UPB1: variants seen among roughly 807,000 people sequenced by gnomAD.
UPB1 encodes the protein beta-ureidopropionase.
A neutral mutation model predicts 49.1 loss-of-function variants in UPB1; 40 were observed. The ratio of observed to expected loss-of-function variants is 0.81; its 90% CI spans 0.63 to 1.06. The LOEUF is 1.06. UPB1 is among the 50% of genes least tolerant of loss of function. The probability of loss-of-function intolerance (pLI) is 0.00; values close to 1 mark genes in which losing one functional copy is unlikely to be tolerated. For missense variants in UPB1, 499 were observed against 505.9 expected (o/e 0.99, Z 0.13); for synonymous variants, 207 against 198.2 (o/e 1.04, Z -0.38).
At chr22:24,518,566 A>G (rs183645147) in intron 6 of UPB1, among the ~76,000 whole-genome samples, 51 of 152,350 alleles carry the variant, frequency 3.3e-4, no homozygotes, top group African/African-American at 8.2e-4. Flanking sequence ...ATTGGATCAC[A>G]GCATCCAGAA....
intron 4 of UPB1, among the ~76,000 whole-genome samples, 200 bp downstream of exon 4, chr22:24,511,043 A>G (rs2044190966): frequency 6.6e-6 from 1 of 152,068 alleles, no homozygotes; most frequent in Admixed American, 6.6e-5. Flanking sequence ...AGGCTCCAGA[A>G]GGGCCATTAG....
rs779769195 is a variant in UPB1 at position 24,515,218 on chromosome 22, G to A, written c.639G>A (p.Glu213=). 2 of 1,614,180 alleles carry A rather than the reference G, an allele frequency of 1.2e-6. No homozygotes were observed. Among genetic ancestry groups the A allele is most frequent in the South Asian group, 1.1e-5 (1 of 91,080 alleles). ...CTTTTCAGTCAACTTACTACATGGA[G>A]GGAAACCTGGGCCACCCCGTGTTCC... is the stretch of plus-strand genomic sequence containing the variant. The part of the protein sequence containing the change: ...GDFNESTYYM[E]GNLGHPVFQT... Residue 213 remains glutamate, a synonymous_variant, in exon 6 of 10, where the codon GAG becomes GAA. Coordinates refer to ENST00000326010, the MANE Select transcript of UPB1 (RefSeq NM_016327.3).
In UPB1 at chr22:24,513,414, A is replaced by C; in HGVS notation, c.550A>C (p.Ile184Leu). Residue 184 changes from isoleucine (I) to leucine (L), a missense_variant, in exon 5 of 10, where the codon ATC (isoleucine) becomes CTC (leucine). Transcript: ENST00000326010. ...GDVLWNTAVVISNSGAVLGKT... is the reference protein window; with the variant it reads ...GDVLWNTAVVLSNSGAVLGKT... ...TGTTTTGTGGAATACAGCCGTGGTG[A>C]TCTCCAATTCCGGAGCAGTCCTGGG... is the stretch of plus-strand genomic sequence containing the variant. 1 of 1,614,192 alleles carries C rather than the reference A, an allele frequency of 6.2e-7. No individual in the cohort carries two copies. Among genetic ancestry groups the C allele is most frequent in the Non-Finnish European group, 8.5e-7 (1 of 1,180,034 alleles).
chr22:24,504,949 C>T (rs1488430774), intron 3 of UPB1, among the ~76,000 whole-genome samples: 1 of 147,490 alleles, frequency 6.8e-6, no homozygotes, highest in African/African-American at 2.5e-5. Context: ...CTGTGTTGCC[C>T]AGGCAGGTCT....
Position 24,525,798 on chromosome 22 carries a change from GCTTCAGTGCCTGC to G in UPB1, c.*8_*20del. The stretch of plus-strand genomic sequence containing the variant: ...CCCCACCATCGTGAAAGAGTAGCCG[GCTTCAGTGCCTGC>G]CTTGGGGTGAGGAAGACACCTCTGC... On this transcript the variant is annotated 3_prime_UTR_variant, in exon 10 of 10. Transcript: ENST00000326010. 1 of 1,614,192 alleles carries G rather than the reference GCTTCAGTGCCTGC, an allele frequency of 6.2e-7. No homozygotes were observed. The highest frequency in any genetic ancestry group is 8.5e-7 in the Non-Finnish European group (1 of 1,180,042).
intron 3 of UPB1, 189 bp downstream of exon 3, chr22:24,502,402 C>G: frequency 1.3e-6 from 1 of 792,112 alleles, no homozygotes; most frequent in Non-Finnish European, 2.3e-6. Context: ...TTGTCTGATT[C>G]CTTCAGTTTT....
chr22:24,524,052 C>T (rs901980739), intron 9 of UPB1, among the ~76,000 whole-genome samples: 7 of 152,232 alleles, frequency 4.6e-5, no homozygotes, highest in Admixed American at 1.3e-4. Context: ...TTCATTTGTC[C>T]AGAGAATAGA....
chr22:24,521,885 CCT>C (rs1206273491), intron 7 of UPB1, 99 bp from the exon 8 acceptor site: 165 of 1,258,028 alleles, frequency 1.3e-4, no homozygotes, highest in Non-Finnish European at 6.4e-5. Context: ...GGCTGACTCG[CCT>C]CTCGGCCTGA....
chr22:24,506,200 T>C (rs1311630084), intron 3 of UPB1, among the ~76,000 whole-genome samples: 1 of 151,228 alleles, frequency 6.6e-6, no homozygotes, highest in African/African-American at 2.4e-5. Flanking sequence ...TTTGTATTTT[T>C]AGTAGAGACC....
At chr22:24,500,699 C>G (rs770209159) in intron 2 of UPB1, among the ~76,000 whole-genome samples, 11 of 152,190 alleles carry the variant, frequency 7.2e-5, no homozygotes, top group Non-Finnish European at 1.6e-4. Flanking sequence ...CTCGCTATAC[C>G]CAGAAGTCTG....
Position 24,510,857 on chromosome 22 carries a change from G to A in UPB1, c.459+14G>A, listed in dbSNP as rs753458658. On this transcript the variant is annotated intron_variant, in intron 4 of 9. Transcript: ENST00000326010. Reference sequence around the variant, plus strand: ...TTCTGTCAGAAGGTAGGACATTAACGGTGCCTCTGGCAGCAGCTGCCAAAT... The same window carrying A: ...TTCTGTCAGAAGGTAGGACATTAACAGTGCCTCTGGCAGCAGCTGCCAAAT... 19 of 1,613,686 alleles carry A rather than the reference G, an allele frequency of 1.2e-5. No homozygotes were observed. Among genetic ancestry groups the A allele is most frequent in the African/African-American group, 2.7e-5 (2 of 74,912 alleles).
intron 1 of UPB1, among the ~76,000 whole-genome samples, chr22:24,498,503 G>A (rs1051990179): frequency 1.3e-5 from 2 of 152,210 alleles, no homozygotes; most frequent in Non-Finnish European, 2.9e-5. Flanking sequence ...CTGGGAGGAG[G>A]TAGAGCCCCA....
At position 24,511,894 on chromosome 22, in the gene UPB1, C is replaced by T. The variant is rs185066198; in HGVS notation, c.459+1051C>T. Among the ~76,000 whole-genome samples, 244 of 152,192 alleles carry T rather than the reference C, an allele frequency of 1.6e-3. 3 individuals carry two copies. In the East Asian group the frequency reaches 0.02, roughly 13 times the overall value. On this transcript the variant is annotated intron_variant, in intron 4 of 9. Transcript: ENST00000326010. ...CCTCCCAAAGTGCTGGGATTATAGG[C>T]GTGAGCCACCGCACCTGGCCTGAAT...
At position 24,495,476 on chromosome 22, in the gene UPB1, G is replaced by A. The variant is rs2043851649; in HGVS notation, c.73G>A (p.Val25Met). 6.2e-7 allele frequency: 1 copy of A among 1,614,004 alleles called. No individual in the cohort carries two copies. The highest frequency in any genetic ancestry group is 8.5e-7 in the Non-Finnish European group (1 of 1,180,048). The change falls in exon 1 of 10, where the codon GTG becomes ATG. Residue 25 changes from valine to methionine, a missense_variant. Coordinates refer to ENST00000326010, the MANE Select transcript of UPB1 (RefSeq NM_016327.3). ...CCTGCCGCTCCCCGACTTGCAGGAA[G>A]TGAAGCGCGTTCTCTATGGCAAGGA... is the stretch of plus-strand genomic sequence containing the variant. ...KHLPLPDLQE[V>M]KRVLYGKELR...
intron 3 of UPB1, 48 bp downstream of exon 3, chr22:24,502,261 T>C: frequency 6.4e-7 from 1 of 1,566,470 alleles, no homozygotes; most frequent in Non-Finnish European, 8.8e-7. Flanking sequence ...AACAATTGTG[T>C]ATTCTCTCCA....
chr22:24,501,518 T>C (rs1331327174), intron 2 of UPB1, among the ~76,000 whole-genome samples: 2 of 152,168 alleles, frequency 1.3e-5, no homozygotes, highest in Non-Finnish European at 2.9e-5. Context: ...CTGAGTTACC[T>C]TGACACTTGG....
intron 6 of UPB1, among the ~76,000 whole-genome samples, chr22:24,518,919 G>A (rs1025773381): frequency 1.1e-4 from 16 of 152,088 alleles, no homozygotes; most frequent in Admixed American, 8.5e-4. Flanking sequence ...CCCATCAGAC[G>A]TCATGATTCC....
chr22:24,509,398 C>CAAAAAAAAAAAAAAAAAAAAAAA (rs1464985011), intron 3 of UPB1, among the ~76,000 whole-genome samples: 1 of 90,294 alleles, frequency 1.1e-5, no homozygotes. Flanking sequence ...AAAAAAAAAG[C>CAAAAAAAAAAAAAAAAAAAAAAA]AAAAACCAAT....
chr22:24,513,486 G>T lies in UPB1; in HGVS notation c.621+1G>T, dbSNP rs1222578354. ...CCCCAGAGTGGGTGATTTCAACGAG[G>T]TGAGCCACCCATAAGATAGATAACC... On this transcript the variant is annotated splice_donor_variant, in intron 5 of 9. Transcript: ENST00000326010. LOFTEE classifies it high-confidence loss of function. The T allele has an allele frequency of 6.2e-7, 1 of 1,613,744 alleles. No individual in the cohort carries two copies. The highest frequency in any genetic ancestry group is 8.5e-7 in the Non-Finnish European group (1 of 1,179,912).
Sources: allele counts gnomAD v4.1 joint callset (sites outside exome capture counted in the v4.1 genomes callset), GRCh38; gene constraint gnomAD v4.1.1; transcripts MANE v1.5; gene names NCBI Gene and HGNC (gene_info 2026-07-23, HGNC 2026-07-21).